Variants in OTOG observed in about 807,000 individuals in gnomAD.
OTOG encodes otogelin.
A neutral mutation model predicts 313.8 loss-of-function variants in OTOG; 296 were observed. That is an observed-to-expected ratio of 0.94 (90% CI 0.86 to 1.04). The LOEUF (loss-of-function observed/expected upper bound fraction) is 1.04, where lower values mean the gene tolerates loss of function less well. Among genes scored for constraint, OTOG ranks in the 50% least tolerant of loss-of-function variants. The pLI, the probability that OTOG is intolerant of heterozygous loss-of-function variation, is 0.00. For synonymous variants in OTOG, 1,533 were observed against 1,554.9 expected, an observed-to-expected ratio of 0.99 and a Z score of 0.33; for missense variants, 3,948 against 3,840.1, an observed-to-expected ratio of 1.03 and a Z score of -0.74.
At chr11:17,604,454 T>C (rs1465366833) in intron 32 of OTOG, among the ~76,000 whole-genome samples, 3 of 152,152 alleles carry the variant, frequency 2.0e-5, no homozygotes, top group Non-Finnish European at 4.4e-5. Context: ...CTGCATCCCA[T>C]GGGTGGGGCC....
chr11:17,610,385 C>T lies in OTOG; in HGVS notation c.5085C>T (p.Thr1695=). 1.3e-6 allele frequency: 2 copies of T among 1,550,480 alleles called. No homozygotes were observed. Among genetic ancestry groups the T allele is most frequent in the East Asian group, 2.4e-5 (1 of 40,920 alleles). The change falls in exon 36 of 56, where the codon ACC becomes ACT. Residue 1695 remains threonine (T), a synonymous_variant. Coordinates refer to ENST00000399397, the MANE Select transcript of OTOG (RefSeq NM_001292063.2). ...TQAQSASSPS[T]PLTVAGTAAE... is the part of the protein sequence containing the mutation. ...CCCAGAGTGCTTCAAGTCCCAGCAC[C>T]CCTCTAACTGTGGCTGGAACAGCAG... is the stretch of plus-strand genomic sequence containing the variant.
At chr11:17,642,804 G>A (rs999719726) in intron 53 of OTOG, among the ~76,000 whole-genome samples, 2 of 152,014 alleles carry the variant, frequency 1.3e-5, no homozygotes, top group African/African-American at 2.4e-5. Context: ...GAAGATTTCC[G>A]ACTCTTCCCT....
chr11:17,581,234 AAGG>A (rs1375717657), intron 23 of OTOG, among the ~76,000 whole-genome samples: 3 of 152,178 alleles, frequency 2.0e-5, no homozygotes, highest in Non-Finnish European at 2.9e-5. Context: ...AAGTCTGTGC[AAGG>A]AGGAGTTCAG....
intron 23 of OTOG, among the ~76,000 whole-genome samples, chr11:17,584,144 C>T (rs1244883249): frequency 6.6e-6 from 1 of 152,076 alleles, no homozygotes; most frequent in African/African-American, 2.4e-5. Flanking sequence ...TTTTCACATA[C>T]TGACCTTGTA....
At chr11:17,629,432 AG>A in intron 40 of OTOG, 116 bp downstream of exon 40, 3 of 1,208,854 alleles carry the variant, frequency 2.5e-6, no homozygotes, top group Non-Finnish European at 3.4e-6. Context: ...CAGAGGTTGG[AG>A]CAGCAGAGCT....
Position 17,547,353 on chromosome 11 carries a change from T to C in OTOG, c.-20T>C. On this transcript the variant is annotated 5_prime_UTR_variant, in exon 1 of 56. Transcript: ENST00000399397. Reference sequence around the variant, plus strand: ...GGAGGCTGGCCCTGCGCTCAAGTCCTCCGGTCCCCTCGTGTCCCTATGGGA... The same window carrying C: ...GGAGGCTGGCCCTGCGCTCAAGTCCCCCGGTCCCCTCGTGTCCCTATGGGA... 2 of 1,335,340 alleles carry C rather than the reference T, an allele frequency of 1.5e-6. No homozygotes were observed. Among genetic ancestry groups the C allele is most frequent in the South Asian group, 2.0e-5 (1 of 49,418 alleles). 82.7% of individuals were successfully genotyped at this position (1,335,340 alleles called of 1,614,324 possible). A position where few individuals can be genotyped will look rare whatever the true frequency, so the allele number is the denominator to read the frequency against.
intron 16 of OTOG, 85 bp downstream of exon 16, chr11:17,569,373 C>T: frequency 6.6e-7 from 1 of 1,512,732 alleles, no homozygotes; most frequent in South Asian, 1.2e-5. Context: ...AAAAGCACTG[C>T]TACCCTGGCA....
At chr11:17,565,036 A>G (rs1271258765) in intron 15 of OTOG, among the ~76,000 whole-genome samples, 2 of 152,238 alleles carry the variant, frequency 1.3e-5, no homozygotes, top group South Asian at 2.1e-4. Context: ...TCTTACGCCC[A>G]GTTTCCCTTG....
chr11:17,571,420 C>G (rs959773384), intron 17 of OTOG, among the ~76,000 whole-genome samples: 2 of 152,148 alleles, frequency 1.3e-5, no homozygotes, highest in Admixed American at 6.5e-5. Context: ...TGACCTCCCT[C>G]CGCTCAACAC....
chr11:17,594,894 C>G (rs7118411), intron 28 of OTOG, among the ~76,000 whole-genome samples: 8,356 of 152,248 alleles, frequency 0.055, 308 homozygotes, highest in African/African-American at 0.098. Flanking sequence ...TTGGTCAAAA[C>G]AGACTGCTTG....
Position 17,608,352 on chromosome 11 carries a change from G to A in OTOG, c.4213G>A (p.Ala1405Thr). The A allele has an allele frequency of 6.5e-7, 1 of 1,547,526 alleles. No individual in the cohort carries two copies. Among genetic ancestry groups the A allele is most frequent in the Non-Finnish European group, 8.7e-7 (1 of 1,145,826 alleles). The change falls in exon 34 of 56, where the codon GCC becomes ACC. Residue 1405 changes from alanine to threonine, a missense_variant. Ala to Thr is a moderately conservative substitution (Grantham distance 58). Coordinates refer to ENST00000399397, the MANE Select transcript of OTOG (RefSeq NM_001292063.2). Reference protein sequence around the residue: ...PICEWRYDACASPCFQTCRDP... With the variant: ...PICEWRYDACTSPCFQTCRDP... Reference sequence around the variant, plus strand: ...CTGCGAGTGGCGCTACGATGCCTGTGCCAGCCCCTGCTTCCAAACCTGCCG... The same window carrying A: ...CTGCGAGTGGCGCTACGATGCCTGTACCAGCCCCTGCTTCCAAACCTGCCG...
intron 30 of OTOG, among the ~76,000 whole-genome samples, chr11:17,597,685 A>G (rs886562886): frequency 1.3e-5 from 2 of 152,270 alleles, no homozygotes; most frequent in African/African-American, 2.4e-5. Context: ...AATATTTAAA[A>G]GATGAAAGAA....
Position 17,557,268 on chromosome 11 carries a change from T to C in OTOG, c.810T>C (p.His270=). ...KMSPELLGWT[H]GLCGNNNADP... ...GTCCAGAGCTTCTGGGCTGGACCCATGGGCTGTGTGGGAACAACAATGCTG... is the reference window on the plus strand; with the variant it reads ...GTCCAGAGCTTCTGGGCTGGACCCACGGGCTGTGTGGGAACAACAATGCTG... The change falls in exon 8 of 56, where the codon CAT becomes CAC. Residue 270 remains histidine, a synonymous_variant. Coordinates refer to ENST00000399397, the MANE Select transcript of OTOG (RefSeq NM_001292063.2). The C allele has an allele frequency of 1.3e-6, 2 of 1,550,542 alleles. No individual in the cohort carries two copies. Among genetic ancestry groups the C allele is most frequent in the Non-Finnish European group, 1.7e-6 (2 of 1,146,992 alleles).
chr11:17,643,889 C>T (rs1365023049), intron 54 of OTOG, among the ~76,000 whole-genome samples: 1 of 152,254 alleles, frequency 6.6e-6, no homozygotes, highest in African/African-American at 2.4e-5. Context: ...GGAGGAGCCT[C>T]CTGGGTGGGA....
In OTOG at chr11:17,610,059, G is replaced by A. The variant is rs1428592562; in HGVS notation, c.4759G>A (p.Glu1587Lys). The part of the protein sequence containing the change: ...PTPGMVSGAM[E>K]TTRVTVIFAG... ...ACCTGGCATGGTGTCAGGTGCCATG[G>A]AGACAACAAGGGTGACTGTGATCTT... The change falls in exon 36 of 56, where the codon GAG (glutamate) becomes AAG (lysine). Residue 1587 changes from glutamate to lysine, a missense_variant. By Grantham distance (56) the Glu-to-Lys change is moderately conservative (BLOSUM62 1). Coordinates refer to ENST00000399397, the MANE Select transcript of OTOG (RefSeq NM_001292063.2). 6.4e-7 allele frequency: 1 copy of A among 1,550,454 alleles called. No homozygotes were observed. The highest frequency in any genetic ancestry group is 8.7e-7 in the Non-Finnish European group (1 of 1,146,860).
intron 3 of OTOG, among the ~76,000 whole-genome samples, chr11:17,548,418 CTTTTTTTT>C (rs56402246): frequency 1.7e-4 from 15 of 87,616 alleles, no homozygotes; most frequent in African/African-American, 4.7e-4. Flanking sequence ...ATAGTCCACT[CTTTTTTTT>C]TTTTTTTTTT....
intron 21 of OTOG, 76 bp from the exon 22 acceptor site, chr11:17,576,792 C>G (rs191005142): frequency 6.6e-7 from 1 of 1,518,204 alleles, no homozygotes. Context: ...TGCAGTGACC[C>G]GAGTGCAGCA....
chr11:17,605,652 C>T (rs961243095), intron 32 of OTOG, among the ~76,000 whole-genome samples: 21 of 152,058 alleles, frequency 1.4e-4, no homozygotes, highest in African/African-American at 4.1e-4. Flanking sequence ...TCTAAGCCTC[C>T]GCTCGCCCTC....
intron 47 of OTOG, 56 bp downstream of exon 47, chr11:17,635,767 T>C: frequency 2.1e-6 from 3 of 1,414,822 alleles, no homozygotes; most frequent in South Asian, 2.5e-5. Context: ...CTTCACAGAG[T>C]TCCCACCCCG....
Sources: gnomAD v4.1 joint callset for allele counts (sites outside exome capture counted in the v4.1 genomes callset) on GRCh38, gnomAD v4.1.1 for gene constraint, MANE v1.5 for transcripts, NCBI Gene and HGNC (gene_info 2026-07-23, HGNC 2026-07-21) for gene names.